Variants in GRIN2A observed in about 807,000 individuals in gnomAD.
GRIN2A encodes the protein glutamate receptor ionotropic, NMDA 2A.
A neutral mutation model predicts 113.4 loss-of-function variants in GRIN2A; 22 were observed. The ratio of observed to expected loss-of-function variants is 0.19; its 90% CI spans 0.14 to 0.28. The LOEUF (loss-of-function observed/expected upper bound fraction) is 0.28, where lower values mean the gene tolerates loss of function less well. Ranked by LOEUF, GRIN2A falls within the 10% of genes least tolerant of loss-of-function variation. GRIN2A has a pLI of 1.00. For synonymous variants in GRIN2A, 827 were observed against 738.4 expected (o/e 1.12, Z -1.94); for missense variants, 1,502 against 1,887.0 (o/e 0.80, Z 3.78).
At position 9,768,844 on chromosome 16, in the gene GRIN2A, T is replaced by C. The variant is rs1279867998; in HGVS notation, c.2595+7A>G. 1.1e-5 allele frequency: 18 copies of C among 1,600,806 alleles called. No homozygotes were observed. The highest frequency in any genetic ancestry group is 1.5e-5 in the Non-Finnish European group (17 of 1,167,864). On this transcript the variant is annotated splice_region_variant and intron_variant, in intron 12 of 12. Coordinates refer to ENST00000330684, the MANE Select transcript of GRIN2A (RefSeq NM_001134407.3). ...AGTGCAAGAAAGTAGCCACCCGGTG[T>C]ACTGACCCTGCTGATGGAGAAGAGC...
intron 4 of GRIN2A, among the ~76,000 whole-genome samples, chr16:9,889,587 A>G (rs1008284880): frequency 1.3e-5 from 2 of 152,102 alleles, no homozygotes; most frequent in Non-Finnish European, 2.9e-5. Context: ...TTTTTATTAT[A>G]AGCAGTTAAA....
intron 2 of GRIN2A, among the ~76,000 whole-genome samples, chr16:9,963,002 TC>T (rs1324410583): frequency 4.0e-5 from 6 of 151,352 alleles, no homozygotes; most frequent in Non-Finnish European, 8.8e-5. Flanking sequence ...ACCATCACTC[TC>T]AGCAAACTAT....
chr16:9,881,844 T>C (rs2043487413), intron 4 of GRIN2A, among the ~76,000 whole-genome samples: 2 of 152,240 alleles, frequency 1.3e-5, no homozygotes, highest in African/African-American at 2.4e-5. Context: ...TGTGTCACAA[T>C]GTTCTTCAAT....
At chr16:9,829,804 T>C in intron 8 of GRIN2A, 152 bp from the exon 9 acceptor site, 1 of 632,318 alleles carries the variant, frequency 1.6e-6, no homozygotes, top group South Asian at 1.9e-5. Context: ...AGAACCACAA[T>C]AACTTATTTT....
upstream of GRIN2A, chr16:10,182,497 G>C (rs1001743146): frequency 2.6e-5 from 4 of 152,246 alleles, no homozygotes; most frequent in African/African-American, 9.7e-5. Context: ...GGGGAGGGAA[G>C]GACGCGGGCT....
chr16:9,827,209 C>A (rs1567327331), intron 9 of GRIN2A, among the ~76,000 whole-genome samples: 1 of 152,246 alleles, frequency 6.6e-6, no homozygotes, highest in Non-Finnish European at 1.5e-5. Flanking sequence ...CATTATACGG[C>A]TGGCTGGCGA....
chr16:9,832,076 G>A (rs1037550379), intron 8 of GRIN2A, among the ~76,000 whole-genome samples: 2 of 149,230 alleles, frequency 1.3e-5, no homozygotes, highest in African/African-American at 2.5e-5. Flanking sequence ...GCATCATCAC[G>A]CCAGGCTTAT....
At chr16:9,859,609 TAC>T (rs55697606) in intron 4 of GRIN2A, among the ~76,000 whole-genome samples, 28,433 of 140,540 alleles carry the variant, frequency 0.2, 2,681 homozygotes, top group South Asian at 0.25. Flanking sequence ...CTCGAACCTC[TAC>T]ACACACACAC....
At chr16:9,839,857 G>A (rs2042642866) in intron 7 of GRIN2A, among the ~76,000 whole-genome samples, 1 of 152,114 alleles carries the variant, frequency 6.6e-6, no homozygotes, top group Non-Finnish European at 1.5e-5. Flanking sequence ...AGTGAATTAG[G>A]ATGTATTAGT....
chr16:9,764,972 C>T (rs202102109), intron 12 of GRIN2A, 24 bp from the exon 13 acceptor site: 1 of 1,613,672 alleles, frequency 6.2e-7, no homozygotes, highest in South Asian at 1.1e-5. Context: ...ACATAAAGCA[C>T]TGTCAGCAGC....
At chr16:9,860,481 G>T (rs2043048192) in intron 4 of GRIN2A, among the ~76,000 whole-genome samples, 1 of 148,776 alleles carries the variant, frequency 6.7e-6, no homozygotes, top group African/African-American at 2.5e-5. Flanking sequence ...GAAAGACCAA[G>T]GGAGTTAGTA....
intron 2 of GRIN2A, among the ~76,000 whole-genome samples, chr16:10,067,179 A>G (rs7188291): frequency 0.11 from 16,534 of 152,078 alleles, 1,045 homozygotes; most frequent in African/African-American, 0.16. Flanking sequence ...TTTAAAAGAC[A>G]CTTGCATCTG....
intron 11 of GRIN2A, among the ~76,000 whole-genome samples, chr16:9,783,413 A>T (rs959149941): frequency 6.6e-6 from 1 of 152,240 alleles, no homozygotes; most frequent in Admixed American, 6.5e-5. Context: ...CTGTTATTAT[A>T]GTCAATAAAT....
chr16:9,919,867 T>A (rs544069525), intron 3 of GRIN2A, among the ~76,000 whole-genome samples: 23 of 152,346 alleles, frequency 1.5e-4, no homozygotes, highest in African/African-American at 5.1e-4. Context: ...TCTTTGCCCT[T>A]GGCAGTCCCC....
At chr16:9,909,310 A>G (rs1252901201) in intron 3 of GRIN2A, among the ~76,000 whole-genome samples, 1 of 152,208 alleles carries the variant, frequency 6.6e-6, no homozygotes, top group African/African-American at 2.4e-5. Context: ...GTAATTCAAG[A>G]TGAGATATGG....
chr16:9,832,122 A>ATTTC (rs1376731753), intron 8 of GRIN2A, among the ~76,000 whole-genome samples: 2 of 148,854 alleles, frequency 1.3e-5, no homozygotes, highest in Non-Finnish European at 3.0e-5. Context: ...TTATTTATTT[A>ATTTC]TTTATTTATT....
chr16:9,881,954 T>G (rs2043489530), intron 4 of GRIN2A, among the ~76,000 whole-genome samples: 1 of 152,198 alleles, frequency 6.6e-6, no homozygotes, highest in South Asian at 2.1e-4. Context: ...TTCACTGGGA[T>G]GTGTGCGGAG....
intron 2 of GRIN2A, among the ~76,000 whole-genome samples, chr16:10,073,679 G>C (rs1158294959): frequency 6.6e-6 from 1 of 151,922 alleles, no homozygotes; most frequent in Non-Finnish European, 1.5e-5. Flanking sequence ...ATTCATCAAA[G>C]GGCACTATTA....
chr16:9,880,006 T>C (rs1352821094), intron 4 of GRIN2A, among the ~76,000 whole-genome samples: 1 of 152,172 alleles, frequency 6.6e-6, no homozygotes, highest in Non-Finnish European at 1.5e-5. Context: ...TGTAGCAAAT[T>C]ACCTCAAACT....
Sources: allele counts gnomAD v4.1 joint callset (sites outside exome capture counted in the v4.1 genomes callset), GRCh38; gene constraint gnomAD v4.1.1; transcripts MANE v1.5; gene names NCBI Gene and HGNC (gene_info 2026-07-23, HGNC 2026-07-21).